Variants in PRKCZ observed in about 807,000 individuals in gnomAD.
The protein encoded by PRKCZ is protein kinase C zeta type.
A neutral mutation model predicts 79.5 loss-of-function variants in PRKCZ; 33 were observed. The ratio of observed to expected loss-of-function variants is 0.41; its 90% confidence interval spans 0.31 to 0.55. The LOEUF is 0.55. Among genes scored for constraint, PRKCZ ranks in the 20% least tolerant of loss-of-function variants. The probability of loss-of-function intolerance (pLI) is 0.19; values close to 1 mark genes in which losing one functional copy is unlikely to be tolerated. For synonymous variants in PRKCZ, 342 were observed against 320.9 expected (o/e 1.07, Z -0.70); for missense variants, 578 against 813.5 (o/e 0.71, Z 3.52).
chr1:2,110,036 G>A (rs1303564457), intron 4 of PRKCZ, among the ~76,000 whole-genome samples: 1 of 151,902 alleles, frequency 6.6e-6, no homozygotes, highest in African/African-American at 2.4e-5. Context: ...GCCCTCCCTG[G>A]GGGCAGCCAA....
chr1:2,177,465 C>T lies in PRKCZ; in HGVS notation c.1575+2152C>T, dbSNP rs1054073102. Among the ~76,000 whole-genome samples the T allele has an allele frequency of 6.6e-6, 1 of 152,316 alleles. No homozygotes were observed. Among genetic ancestry groups the T allele is most frequent in the African/African-American group, 2.4e-5 (1 of 41,574 alleles). On this transcript the variant is annotated intron_variant, in intron 16 of 17. Coordinates refer to ENST00000378567, the MANE Select transcript of PRKCZ (RefSeq NM_002744.6). This position sits in a 1 kb window ranked among gnomAD's most constrained non-coding sequence, Gnocchi z 6.4. ...TGCAGCCTTGGTGCCAGCCGGGCCC[C>T]TGATCTTGTCTCTCAACCACTCTTG...
rs1435741502 is a variant in PRKCZ at position 2,127,895 on chromosome 1, A to C, written c.335-7367A>C. Among the ~76,000 whole-genome samples the C allele has an allele frequency of 6.6e-6, 1 of 152,098 alleles. No individual in the cohort carries two copies. The highest frequency in any genetic ancestry group is 6.5e-5 in the Admixed American group (1 of 15,282). On this transcript the variant is annotated intron_variant, in intron 4 of 17. Coordinates refer to ENST00000378567, the MANE Select transcript of PRKCZ (RefSeq NM_002744.6). This position sits in a 1 kb window ranked among gnomAD's most constrained non-coding sequence, Gnocchi z 5.1. ...TGTCTGGGCCACGGGCAGCCCTGGG[A>C]CACCTTAGCTCTGGACACGAATTTG...
In PRKCZ at chr1:2,144,029, A is replaced by T. The variant is rs892885591; in HGVS notation, c.421-181A>T. ...ACTGGTTCCCCCAACCTTGGGATAG[A>T]CCCAAGAGGAGGCTCTCAAGCTTGG... On this transcript the variant is annotated intron_variant, in intron 5 of 17. Coordinates refer to ENST00000378567, the MANE Select transcript of PRKCZ (RefSeq NM_002744.6). 3.8e-6 allele frequency: 3 copies of T among 786,198 alleles called. No homozygotes were observed. The African/African-American group carries it at 5.3e-5, about 14-fold the overall frequency. 48.7% of individuals were successfully genotyped at this position (786,198 alleles called of 1,614,324 possible). A position where few individuals can be genotyped will look rare whatever the true frequency, so the allele number is the denominator to read the frequency against.
At chr1:2,131,357 C>T (rs892625792) in intron 4 of PRKCZ, among the ~76,000 whole-genome samples, 1 of 152,162 alleles carries the variant, frequency 6.6e-6, no homozygotes, top group Non-Finnish European at 1.5e-5. Flanking sequence ...GTAATCTCAG[C>T]ACTTTGGGAG....
intron 9 of PRKCZ, among the ~76,000 whole-genome samples, chr1:2,153,069 C>T (rs1317453763): frequency 6.6e-6 from 1 of 152,232 alleles, no homozygotes; most frequent in East Asian, 1.9e-4. Context: ...AGGCTGCTTC[C>T]CACGCAGCCG....
intron 4 of PRKCZ, among the ~76,000 whole-genome samples, chr1:2,124,932 G>C (rs143387212): frequency 6.6e-6 from 1 of 152,132 alleles, no homozygotes; most frequent in Non-Finnish European, 1.5e-5. Context: ...TAGACTCCTC[G>C]CGTGGCGTCC....
intron 4 of PRKCZ, among the ~76,000 whole-genome samples, chr1:2,097,766 G>T (rs1422493729): frequency 6.6e-6 from 1 of 152,198 alleles, no homozygotes; most frequent in African/African-American, 2.4e-5. Context: ...AATTTTGGGT[G>T]CTGCAAAAGA....
intron 3 of PRKCZ, among the ~76,000 whole-genome samples, chr1:2,058,306 AT>A (rs35722361): frequency 0.096 from 11,997 of 125,314 alleles, 1,674 homozygotes; most frequent in African/African-American, 0.35. Context: ...CCCGGCCCCA[AT>A]TTTTTTTTTT....
At chr1:2,124,552 A>G (rs1036289254) in intron 4 of PRKCZ, among the ~76,000 whole-genome samples, 2 of 152,112 alleles carry the variant, frequency 1.3e-5, no homozygotes, top group Non-Finnish European at 2.9e-5. Flanking sequence ...GCCAGCAAGC[A>G]AGGAGATACC....
intron 7 of PRKCZ, among the ~76,000 whole-genome samples, chr1:2,147,793 C>CCT (rs1166529723): frequency 6.6e-6 from 1 of 150,640 alleles, no homozygotes; most frequent in East Asian, 2.0e-4. Flanking sequence ...TGTCCACTGA[C>CCT]CTCTCCATCT....
At position 2,106,732 on chromosome 1, in the gene PRKCZ, G is replaced by T. The variant is rs529674077; in HGVS notation, c.335-28530G>T. 1.4e-3 allele frequency among the ~76,000 whole-genome samples: 153 copies of T among 112,062 alleles called. 22 individuals carry two copies. The highest frequency in any genetic ancestry group is 6.2e-3 in the African/African-American group (148 of 23,820). The allele number at this position is 112,062 out of a possible 152,430, so 73.5% of individuals were successfully genotyped here. ...CGAGGACCTCCATGCGTGTCACCAG[G>T]CCAGGTAACTCTCAGCAAGCCCCTC... On this transcript the variant is annotated intron_variant, in intron 4 of 17. Transcript: ENST00000378567.
Position 2,166,000 on chromosome 1 carries a change from G to A in PRKCZ, c.975-3518G>A, listed in dbSNP as rs1171838102. On this transcript the variant is annotated intron_variant, in intron 10 of 17. Transcript: ENST00000378567. This position sits in a 1 kb window ranked among gnomAD's most constrained non-coding sequence, Gnocchi z 4.1. Reference sequence around the variant, plus strand: ...GTCTGTTGGATGGTGCCGGTTCCAGGGCAGGGTCAGGGACTGGATCCGGCT... The same window carrying A: ...GTCTGTTGGATGGTGCCGGTTCCAGAGCAGGGTCAGGGACTGGATCCGGCT... Among the ~76,000 whole-genome samples the A allele has an allele frequency of 6.6e-6, 1 of 152,218 alleles. No homozygotes were observed. Among genetic ancestry groups the A allele is most frequent in the East Asian group, 1.9e-4 (1 of 5,194 alleles).
chr1:2,099,754 G>C (rs1667142143), intron 4 of PRKCZ, among the ~76,000 whole-genome samples: 5 of 152,236 alleles, frequency 3.3e-5, no homozygotes, highest in African/African-American at 9.7e-5. Flanking sequence ...CACATTTCAT[G>C]ACTCTTTAAG....
chr1:2,184,880 A>G (rs2100596504), intron 17 of PRKCZ, 42 bp from the exon 18 acceptor site: 1 of 1,545,964 alleles, frequency 6.5e-7, no homozygotes, highest in East Asian at 2.3e-5. Flanking sequence ...AAGGGAATGA[A>G]CACACGGTCA....
Position 2,095,952 on chromosome 1 carries a change from C to T in PRKCZ, c.334+36361C>T, listed in dbSNP as rs562047087. On this transcript the variant is annotated intron_variant, in intron 4 of 17. Transcript: ENST00000378567. ...CCCCTCTCCTCCTTTCCCCTCCCCTCACCTGTTTGACTCTGCTGTGCCAGG... is the reference window on the plus strand; with the variant it reads ...CCCCTCTCCTCCTTTCCCCTCCCCTTACCTGTTTGACTCTGCTGTGCCAGG... 7.4e-3 allele frequency among the ~76,000 whole-genome samples: 1,067 copies of T among 144,154 alleles called. 18 individuals carry two copies. Among genetic ancestry groups the T allele is most frequent in the African/African-American group, 0.026 (1,006 of 38,222 alleles). The allele number at this position is 144,154 out of a possible 152,430, so 94.6% of individuals were successfully genotyped here.
At position 2,165,409 on chromosome 1, in the gene PRKCZ, G is replaced by A. The variant is rs567228116; in HGVS notation, c.975-4109G>A. On this transcript the variant is annotated intron_variant, in intron 10 of 17. Transcript: ENST00000378567. This position sits in a 1 kb window ranked among gnomAD's most constrained non-coding sequence, Gnocchi z 4.1. ...CCAGGAGCTGTGTGAGCCGGAGAAC[G>A]TCCCCTAACCTGTCTGTGCCTCGGC... Among the ~76,000 whole-genome samples the A allele has an allele frequency of 4.6e-5, 7 of 152,282 alleles. No homozygotes were observed. Among genetic ancestry groups the A allele is most frequent in the Non-Finnish European group, 7.3e-5 (5 of 68,032 alleles).
At chr1:2,117,705 AT>A (rs1671018917) in intron 4 of PRKCZ, among the ~76,000 whole-genome samples, 1 of 152,174 alleles carries the variant, frequency 6.6e-6, no homozygotes, top group African/African-American at 2.4e-5. Flanking sequence ...CCACCAACAA[AT>A]TAAAGAGGTT....
intron 17 of PRKCZ, 29 bp downstream of exon 17, chr1:2,184,727 A>G (rs772809975): frequency 1.3e-5 from 21 of 1,592,430 alleles, no homozygotes; most frequent in Non-Finnish European, 1.8e-5. Flanking sequence ...GGGTCCCTGG[A>G]GCACCCCTCG....
At chr1:2,053,306 G>A (rs770704836) in intron 1 of PRKCZ, among the ~76,000 whole-genome samples, 39 of 151,884 alleles carry the variant, frequency 2.6e-4, no homozygotes, top group African/African-American at 4.4e-4. Flanking sequence ...TCACTTTGTT[G>A]GCCAGGCTGG....
Sources: allele counts gnomAD v4.1 joint callset (sites outside exome capture counted in the v4.1 genomes callset), GRCh38; gene constraint gnomAD v4.1.1; non-coding constraint Gnocchi (gnomAD v3.1); transcripts MANE v1.5; gene names NCBI Gene and HGNC (gene_info 2026-07-23, HGNC 2026-07-21).